Variants in ABL2 observed in about 807,000 individuals in gnomAD.
The protein encoded by ABL2 is ABL proto-oncogene 2, non-receptor tyrosine kinase.
ABL2 carries 49 observed loss-of-function variants against 107.7 expected under a neutral mutation model. The ratio of observed to expected loss-of-function variants is 0.45; its 90% confidence interval spans 0.36 to 0.58. ABL2 has a LOEUF of 0.58. ABL2 is among the 20% of genes least tolerant of loss of function. ABL2 has a pLI of 0.00. For synonymous variants in ABL2, 549 were observed against 548.6 expected (o/e 1.00, Z -0.01); for missense variants, 1,245 against 1,457.0 (o/e 0.85, Z 2.37).
At position 179,216,071 on chromosome 1, in the gene ABL2, G is replaced by C. The variant is rs59735586; in HGVS notation, c.157+13170C>G. ...TCTTCTCCCTAGAAAGCAAACCCGA[G>C]AATACAAATGGCCTGGGCCTGCCCA... On this transcript the variant is annotated intron_variant, in intron 1 of 11. Coordinates refer to ENST00000502732, the MANE Select transcript of ABL2 (RefSeq NM_007314.4). Among the ~76,000 whole-genome samples, 723 of 152,300 alleles carry C rather than the reference G, an allele frequency of 4.7e-3. 7 individuals carry two copies. The highest frequency in any genetic ancestry group is 0.017 in the African/African-American group (692 of 41,564).
chr1:179,195,859 T>TG (rs1661279813), intron 1 of ABL2, among the ~76,000 whole-genome samples: 1 of 152,074 alleles, frequency 6.6e-6, no homozygotes, highest in African/African-American at 2.4e-5. Flanking sequence ...GAAAGTAAAA[T>TG]GTGGTTGCCA....
intron 1 of ABL2, among the ~76,000 whole-genome samples, chr1:179,207,310 C>G (rs2102858560): frequency 6.6e-6 from 1 of 152,076 alleles, no homozygotes; most frequent in Non-Finnish European, 1.5e-5. Context: ...CTGGACGTAT[C>G]CAATCAGAAT....
Position 179,126,824 on chromosome 1 carries a change from T to A in ABL2, c.392-152A>T. 2.6e-6 allele frequency: 2 copies of A among 754,866 alleles called. No homozygotes were observed. The highest frequency in any genetic ancestry group is 4.1e-6 in the Non-Finnish European group (2 of 482,044). The allele number at this position is 754,866 out of a possible 1,614,324, so 46.8% of individuals were successfully genotyped here. A position where few individuals can be genotyped will look rare whatever the true frequency, so the allele number is the denominator to read the frequency against. On this transcript the variant is annotated intron_variant, in intron 3 of 11. Transcript: ENST00000502732. The surrounding 1 kb of genome is among the most constrained non-coding windows in gnomAD (Gnocchi z 4.4). ...TTTTTTTAAATAATGAAAACAAACTTGGCTGTTCATCATATCCTGATTGCT... is the reference window on the plus strand; with the variant it reads ...TTTTTTTAAATAATGAAAACAAACTAGGCTGTTCATCATATCCTGATTGCT...
intron 1 of ABL2, among the ~76,000 whole-genome samples, chr1:179,205,917 A>G (rs959046254): frequency 1.3e-5 from 2 of 152,192 alleles, no homozygotes; most frequent in Non-Finnish European, 1.5e-5. Flanking sequence ...TACAACACCA[A>G]CTACAGGCTA....
chr1:179,214,882 G>A (rs1000319448), intron 1 of ABL2, among the ~76,000 whole-genome samples: 4 of 152,086 alleles, frequency 2.6e-5, no homozygotes, highest in African/African-American at 9.7e-5. Flanking sequence ...ATTGTGGGTC[G>A]GGCACAGTAG....
chr1:179,111,281 CTTTTTTTTT>C (rs748453531), intron 10 of ABL2, among the ~76,000 whole-genome samples: 25 of 82,270 alleles, frequency 3.0e-4, no homozygotes, highest in African/African-American at 1.3e-3. Flanking sequence ...AGTGCTCAGT[CTTTTTTTTT>C]TTTTTTTTTT....
rs138043352 is a variant in ABL2, at chr1:179,209,911, T to C, written c.157+19330A>G. On this transcript the variant is annotated intron_variant, in intron 1 of 11. Coordinates refer to ENST00000502732, the MANE Select transcript of ABL2 (RefSeq NM_007314.4). ...TGTTTTTAGAGACAGGGTCTCACTC[T>C]GCACCCAGACTGGAGTGCAGTGGCA... Among the ~76,000 whole-genome samples the C allele has an allele frequency of 2.1e-3, 326 of 152,334 alleles. 3 individuals are homozygous for C. The highest frequency in any genetic ancestry group is 7.5e-3 in the African/African-American group (312 of 41,576).
rs553424856 is a variant in ABL2 at position 179,135,019 on chromosome 1, C to T, written c.158-1645G>A. On this transcript the variant is annotated intron_variant, in intron 1 of 11. Coordinates refer to ENST00000502732, the MANE Select transcript of ABL2 (RefSeq NM_007314.4). ...GGTGCCGGGATTGCAGACGGAGTCT[C>T]GTTCACTCAGTGCTCAATGGTGCCC... Among the ~76,000 whole-genome samples the T allele has an allele frequency of 4.0e-3, 606 of 152,370 alleles. 2 individuals carry two copies. Among genetic ancestry groups the T allele is most frequent in the African/African-American group, 0.014 (589 of 41,594 alleles).
intron 3 of ABL2, among the ~76,000 whole-genome samples, chr1:179,127,758 G>A (rs573133651): frequency 4.6e-5 from 7 of 152,230 alleles, no homozygotes; most frequent in East Asian, 1.9e-4. Flanking sequence ...ATGGCTGAGC[G>A]TGGTGTCTCA....
chr1:179,112,044 C>CAA (rs547710064), intron 10 of ABL2, among the ~76,000 whole-genome samples: 1 of 132,876 alleles, frequency 7.5e-6, no homozygotes, highest in Non-Finnish European at 1.6e-5. Context: ...GACTCCATCT[C>CAA]AAAAAAAAAA....
intron 1 of ABL2, among the ~76,000 whole-genome samples, chr1:179,226,902 C>T (rs1423527054): frequency 6.6e-6 from 1 of 152,114 alleles, no homozygotes; most frequent in East Asian, 1.9e-4. Context: ...TCATAAAGTC[C>T]TTTAAGTTCC....
intron 1 of ABL2, among the ~76,000 whole-genome samples, chr1:179,138,422 T>C (rs1022504216): frequency 2.0e-5 from 3 of 152,182 alleles, no homozygotes; most frequent in African/African-American, 4.8e-5. Flanking sequence ...TAAATGTTTA[T>C]TGGGGAAAAA....
At chr1:179,213,537 G>A (rs1452540094) in intron 1 of ABL2, among the ~76,000 whole-genome samples, 2 of 152,036 alleles carry the variant, frequency 1.3e-5, no homozygotes, top group East Asian at 3.9e-4. Flanking sequence ...CTGGGCTCAG[G>A]TGATCCTCCC....
At chr1:179,172,145 T>C (rs1172195185) in intron 1 of ABL2, among the ~76,000 whole-genome samples, 1 of 152,152 alleles carries the variant, frequency 6.6e-6, no homozygotes, top group Non-Finnish European at 1.5e-5. Context: ...CATTTTCAAA[T>C]AGCAAAGACT....
intron 1 of ABL2, among the ~76,000 whole-genome samples, chr1:179,162,586 A>T (rs2050922): frequency 0.21 from 32,590 of 151,784 alleles, 4,450 homozygotes; most frequent in East Asian, 0.36. Context: ...CTCTGTTTTT[A>T]AAAAAAATTA....
At chr1:179,117,252 G>T in intron 8 of ABL2, 80 bp downstream of exon 8, 1 of 1,402,614 alleles carries the variant, frequency 7.1e-7, no homozygotes, top group Non-Finnish European at 1.0e-6. Context: ...ACTGAACATC[G>T]TAAGAGAAGC....
In ABL2 at chr1:179,226,896, A is replaced by C. The variant is rs1028445195; in HGVS notation, c.157+2345T>G. Among the ~76,000 whole-genome samples, 14 of 152,172 alleles carry C rather than the reference A, an allele frequency of 9.2e-5. 1 individual carries two copies. The highest frequency in any genetic ancestry group is 1.3e-4 in the Non-Finnish European group (9 of 68,042). On this transcript the variant is annotated intron_variant, in intron 1 of 11. Coordinates refer to ENST00000502732, the MANE Select transcript of ABL2 (RefSeq NM_007314.4). The stretch of plus-strand genomic sequence containing the variant: ...CTTCTTTCATCCTCTATCAAATCAT[A>C]AAGTCCTTTAAGTTCCAAAGGGCAG...
intron 1 of ABL2, among the ~76,000 whole-genome samples, chr1:179,182,533 G>A (rs943858362): frequency 6.6e-6 from 1 of 152,074 alleles, no homozygotes. Flanking sequence ...TTGACTTTCT[G>A]TTTCTGAGCT....
At position 179,158,027 on chromosome 1, in the gene ABL2, C is replaced by T. The variant is rs896302052; in HGVS notation, c.158-24653G>A. Among the ~76,000 whole-genome samples the T allele has an allele frequency of 3.9e-5, 6 of 152,122 alleles. 1 individual carries two copies. In the South Asian group the frequency reaches 1.2e-3, roughly 32 times the overall value. ...CAGTTTTGCTAGATTTCCACTGATTCTATCTTGATGGCAGAAGGGTGGAAT... is the reference window on the plus strand; with the variant it reads ...CAGTTTTGCTAGATTTCCACTGATTTTATCTTGATGGCAGAAGGGTGGAAT... On this transcript the variant is annotated intron_variant, in intron 1 of 11. Transcript: ENST00000502732.
Sources: allele counts gnomAD v4.1 joint callset (sites outside exome capture counted in the v4.1 genomes callset), GRCh38; gene constraint gnomAD v4.1.1; non-coding constraint Gnocchi (gnomAD v3.1); transcripts MANE v1.5; gene names NCBI Gene and HGNC (gene_info 2026-07-23, HGNC 2026-07-21).